The following KAT6B variants were observed in gnomAD, a reference collection of about 807,000 sequenced individuals.
KAT6B encodes the protein histone acetyltransferase KAT6B.
A neutral mutation model predicts 187.5 loss-of-function variants in KAT6B; 10 were observed. That is an observed-to-expected ratio of 0.05 (90% CI 0.03 to 0.09). KAT6B has a LOEUF of 0.09. Among genes scored for constraint, KAT6B ranks in the 10% least tolerant of loss-of-function variants. KAT6B has a pLI of 1.00. For synonymous variants in KAT6B, 861 were observed against 926.8 expected (o/e 0.93, Z 1.29); for missense variants, 1,952 against 2,558.9 (o/e 0.76, Z 5.12).
chr10:74,951,087 AT>A (rs1840287241), intron 3 of KAT6B, among the ~76,000 whole-genome samples: 1 of 151,410 alleles, frequency 6.6e-6, no homozygotes, highest in Non-Finnish European at 1.5e-5. Flanking sequence ...CAGTGTATTC[AT>A]TTTACTTGGC....
At chr10:74,890,176 C>T (rs532586358) in intron 3 of KAT6B, among the ~76,000 whole-genome samples, 62 of 152,190 alleles carry the variant, frequency 4.1e-4, no homozygotes, top group Middle Eastern at 3.4e-3. Context: ...GTAGCTGGGA[C>T]TACAGGCACA....
At chr10:74,929,379 C>T (rs973487593) in intron 3 of KAT6B, among the ~76,000 whole-genome samples, 5 of 152,056 alleles carry the variant, frequency 3.3e-5, no homozygotes, top group Non-Finnish European at 5.9e-5. Flanking sequence ...GATGCTCTTG[C>T]GTACAGTGAA....
At chr10:74,982,054 C>G in intron 11 of KAT6B, 126 bp downstream of exon 11, 1 of 805,700 alleles carries the variant, frequency 1.2e-6, no homozygotes, top group Non-Finnish European at 2.1e-6. Context: ...TTCAGACTGC[C>G]CTTTAAAACA....
rs533147576 is a variant in KAT6B at position 74,848,028 on chromosome 10, T to C, written c.621+4550T>C. On this transcript the variant is annotated intron_variant, in intron 3 of 17. Transcript: ENST00000287239. ...CTGTCTCCCAGGTTCAAGTGACTCT[T>C]CTGCCTCAGCCTCCCTAGTAGCTGG... Among the ~76,000 whole-genome samples the C allele has an allele frequency of 5.3e-5, 8 of 151,862 alleles. No homozygotes were observed. In the East Asian group the frequency reaches 1.6e-3, roughly 30 times the overall value.
rs199971378 is a variant in KAT6B, at chr10:74,981,290, GCTTT to G, written c.2232-481_2232-478del. ...TACATTCTGTCTTTACTATTGGCTG[GCTTT>G]CTTTCTTTCTTTCTTCCTTCCTTCC... On this transcript the variant is annotated intron_variant, in intron 10 of 17. Transcript: ENST00000287239. 2.0e-3 allele frequency among the ~76,000 whole-genome samples: 283 copies of G among 143,486 alleles called. 1 individual carries two copies. Among genetic ancestry groups the G allele is most frequent in the Non-Finnish European group, 3.1e-3 (210 of 66,990 alleles). The allele number at this position is 143,486 out of a possible 152,430, so 94.1% of individuals were successfully genotyped here. A position where few individuals can be genotyped will look rare whatever the true frequency, so the allele number is the denominator to read the frequency against.
intron 13 of KAT6B, among the ~76,000 whole-genome samples, chr10:75,005,432 G>C (rs1229058509): frequency 6.6e-6 from 1 of 151,810 alleles, no homozygotes; most frequent in Non-Finnish European, 1.5e-5. Context: ...TGCCCAGGCT[G>C]GTCTCAAACT....
intron 3 of KAT6B, among the ~76,000 whole-genome samples, chr10:74,858,462 AG>A (rs1842957010): frequency 1.3e-5 from 2 of 151,976 alleles, no homozygotes; most frequent in Admixed American, 1.3e-4. Context: ...TATATTTGAT[AG>A]GCATGGGTTT....
At chr10:74,930,008 C>G (rs1489873732) in intron 3 of KAT6B, among the ~76,000 whole-genome samples, 2 of 151,610 alleles carry the variant, frequency 1.3e-5, no homozygotes, top group African/African-American at 4.9e-5. Context: ...CAACCTCTAC[C>G]TCCTGGGTTC....
chr10:74,997,676 C>G (rs781353535), intron 13 of KAT6B, among the ~76,000 whole-genome samples: 21 of 152,166 alleles, frequency 1.4e-4, no homozygotes, highest in Non-Finnish European at 2.6e-4. Context: ...GAGTTTACAA[C>G]TTACCCAAAT....
chr10:74,852,614 C>A (rs969871521), intron 3 of KAT6B, among the ~76,000 whole-genome samples: 7 of 152,146 alleles, frequency 4.6e-5, no homozygotes, highest in African/African-American at 1.7e-4. Flanking sequence ...ATGAGTCTTT[C>A]TATTGTACTC....
intron 1 of KAT6B, 113 bp from the exon 2 acceptor site, chr10:74,838,570 A>G (rs1841487291): frequency 6.6e-6 from 1 of 152,230 alleles, no homozygotes; most frequent in Non-Finnish European, 1.5e-5. Flanking sequence ...CAAATGTAGT[A>G]TAATAACTCA....
chr10:74,834,443 G>A (rs1191736705), intron 1 of KAT6B, among the ~76,000 whole-genome samples: 4 of 151,638 alleles, frequency 2.6e-5, no homozygotes, highest in Non-Finnish European at 4.4e-5. Flanking sequence ...TGATCTGCCC[G>A]CCTTGGCCTC....
At chr10:74,988,945 G>A (rs1423333568) in intron 12 of KAT6B, 74 bp from the exon 13 acceptor site, 1 of 1,004,118 alleles carries the variant, frequency 1.0e-6, no homozygotes. Context: ...GTTTTACAAG[G>A]ACAGTGGCAG....
chr10:74,978,948 G>T (rs1299886448), intron 9 of KAT6B, among the ~76,000 whole-genome samples: 1 of 152,116 alleles, frequency 6.6e-6, no homozygotes, highest in Non-Finnish European at 1.5e-5. Flanking sequence ...TTGCTATATT[G>T]TTTCTTAGGG....
At chr10:74,985,693 CTT>C (rs1407811952) in intron 12 of KAT6B, among the ~76,000 whole-genome samples, 1 of 152,152 alleles carries the variant, frequency 6.6e-6, no homozygotes, top group Admixed American at 6.6e-5. Flanking sequence ...TGGTTTTACA[CTT>C]TTGTCTCTTA....
intron 3 of KAT6B, among the ~76,000 whole-genome samples, chr10:74,908,050 G>T (rs773623013): frequency 6.6e-6 from 1 of 152,098 alleles, no homozygotes; most frequent in Non-Finnish European, 1.5e-5. Flanking sequence ...CTAGATTAAT[G>T]AGTTAATTCA....
intron 16 of KAT6B, among the ~76,000 whole-genome samples, chr10:75,023,225 AG>A (rs1845572133): frequency 6.6e-6 from 1 of 152,258 alleles, no homozygotes; most frequent in Non-Finnish European, 1.5e-5. Context: ...AGGAGAGCCA[AG>A]ACTGATAGAG....
chr10:74,988,837 A>G (rs539759280), intron 12 of KAT6B, among the ~76,000 whole-genome samples, 182 bp from the exon 13 acceptor site: 2 of 152,314 alleles, frequency 1.3e-5, no homozygotes, highest in South Asian at 4.1e-4. Flanking sequence ...GGCATGTCAG[A>G]GTCGATGGTT....
intron 12 of KAT6B, among the ~76,000 whole-genome samples, chr10:74,985,944 G>A (rs1474973539): frequency 6.6e-6 from 1 of 152,172 alleles, no homozygotes; most frequent in African/African-American, 2.4e-5. Flanking sequence ...TACTTGGGAG[G>A]CTGAGGCAGG....
Sources: gnomAD v4.1 joint callset for allele counts (sites outside exome capture counted in the v4.1 genomes callset) on GRCh38, gnomAD v4.1.1 for gene constraint, MANE v1.5 for transcripts, NCBI Gene and HGNC (gene_info 2026-07-23, HGNC 2026-07-21) for gene names.